The following ST6GALNAC3 variants were observed in gnomAD, a reference collection of about 807,000 sequenced individuals.
The protein encoded by ST6GALNAC3 is alpha-N-acetylgalactosaminide alpha-2,6-sialyltransferase 3.
A neutral mutation model predicts 32.7 loss-of-function variants in ST6GALNAC3; 25 were observed. That is an observed-to-expected ratio of 0.76 (90% CI 0.56 to 1.07). ST6GALNAC3 has a LOEUF of 1.07. ST6GALNAC3 is among the 50% of genes least tolerant of loss of function. The pLI, the probability that ST6GALNAC3 is intolerant of heterozygous loss-of-function variation, is 0.00. For missense variants in ST6GALNAC3, 355 were observed against 382.4 expected (o/e 0.93, Z 0.60); for synonymous variants, 129 against 133.1 (o/e 0.97, Z 0.21).
chr1:76,476,892 G>A (rs61771551), intron 3 of ST6GALNAC3, among the ~76,000 whole-genome samples: 7 of 152,116 alleles, frequency 4.6e-5, no homozygotes, highest in Non-Finnish European at 1.0e-4. Context: ...TTTCCTATCA[G>A]TGTTGGGAGG....
intron 1 of ST6GALNAC3, among the ~76,000 whole-genome samples, chr1:76,283,342 T>C (rs1487596708): frequency 6.6e-6 from 1 of 152,156 alleles, no homozygotes; most frequent in African/African-American, 2.4e-5. Context: ...GAATTGGTAA[T>C]GGTTTTCTTT....
chr1:76,500,906 C>A lies in ST6GALNAC3; in HGVS notation c.623+88489C>A, dbSNP rs570746273. On this transcript the variant is annotated intron_variant, in intron 3 of 4. Coordinates refer to ENST00000328299, the MANE Select transcript of ST6GALNAC3 (RefSeq NM_152996.4). ...ATTGTAGAATAGTATTTACAGTGAA[C>A]CCATTTGTAGAAAATAAAAAGGCTA... 2.0e-5 allele frequency among the ~76,000 whole-genome samples: 3 copies of A among 152,160 alleles called. No homozygotes were observed. The South Asian group carries it at 6.2e-4, about 32-fold the overall frequency.
At chr1:76,184,601 A>G (rs1031110735) in intron 1 of ST6GALNAC3, among the ~76,000 whole-genome samples, 4 of 151,502 alleles carry the variant, frequency 2.6e-5, no homozygotes, top group Non-Finnish European at 4.4e-5. Context: ...AGCTCTTCAG[A>G]GTTTGCCCGG....
chr1:76,399,231 AT>A (rs1013476046), intron 2 of ST6GALNAC3, among the ~76,000 whole-genome samples: 3 of 151,992 alleles, frequency 2.0e-5, no homozygotes, highest in African/African-American at 7.3e-5. Flanking sequence ...GTGCTTTTCT[AT>A]TTTGTTTAAT....
At chr1:76,242,382 C>T (rs1462809985) in intron 1 of ST6GALNAC3, among the ~76,000 whole-genome samples, 1 of 151,910 alleles carries the variant, frequency 6.6e-6, no homozygotes, top group African/African-American at 2.4e-5. Context: ...TGCATCACGT[C>T]TGTAACAGAG....
chr1:76,502,257 T>C (rs1044992257), intron 3 of ST6GALNAC3, among the ~76,000 whole-genome samples: 3 of 152,196 alleles, frequency 2.0e-5, no homozygotes, highest in African/African-American at 7.2e-5. Flanking sequence ...AGGTGATGTC[T>C]TGGAAAAAGC....
At chr1:76,456,500 C>T (rs1248979827) in intron 3 of ST6GALNAC3, among the ~76,000 whole-genome samples, 2 of 152,052 alleles carry the variant, frequency 1.3e-5, no homozygotes, top group Non-Finnish European at 2.9e-5. Flanking sequence ...TGTTTCACCA[C>T]ATCTGGCTAA....
chr1:76,632,512 CATG>C lies in ST6GALNAC3; in HGVS notation c.*3709_*3711del. 1 of 152,178 alleles carries C rather than the reference CATG, an allele frequency of 6.6e-6. No individual in the cohort carries two copies. The highest frequency in any genetic ancestry group is 1.5e-5 in the Non-Finnish European group (1 of 67,996). 9.4% of individuals were successfully genotyped at this position (152,178 alleles called of 1,614,324 possible). A position where few individuals can be genotyped will look rare whatever the true frequency, so the allele number is the denominator to read the frequency against. On this transcript the variant is annotated 3_prime_UTR_variant, in exon 5 of 5. Transcript: ENST00000328299. ...TTAGCATAAGCAAAATCCAGATTTG[CATG>C]ATTTTTATTATATAGCTACAGAACT...
chr1:76,570,851 C>A (rs1016438901), intron 3 of ST6GALNAC3, among the ~76,000 whole-genome samples: 1 of 151,908 alleles, frequency 6.6e-6, no homozygotes, highest in African/African-American at 2.4e-5. Context: ...CTCCTTTAAT[C>A]GCTCAATGAT....
chr1:76,579,364 T>C (rs1201216885), intron 3 of ST6GALNAC3, among the ~76,000 whole-genome samples: 1 of 151,996 alleles, frequency 6.6e-6, no homozygotes, highest in Non-Finnish European at 1.5e-5. Flanking sequence ...CAATAGCATA[T>C]TATTTCATTT....
chr1:76,305,118 G>A (rs1228224843), intron 1 of ST6GALNAC3, among the ~76,000 whole-genome samples: 1 of 152,052 alleles, frequency 6.6e-6, no homozygotes, highest in Non-Finnish European at 1.5e-5. Context: ...CTTCCCATAA[G>A]TAGTAGGATT....
At chr1:76,601,225 A>AAGGAAGG (rs1553147188) in intron 3 of ST6GALNAC3, among the ~76,000 whole-genome samples, 114 of 152,146 alleles carry the variant, frequency 7.5e-4, no homozygotes, top group African/African-American at 2.6e-3. Flanking sequence ...AGGAAGGAAG[A>AAGGAAGG]AAGGAAGGAA....
chr1:76,405,043 G>T (rs548137723), intron 2 of ST6GALNAC3, among the ~76,000 whole-genome samples: 1 of 152,100 alleles, frequency 6.6e-6, no homozygotes, highest in African/African-American at 2.4e-5. Flanking sequence ...TGGGGCTAAA[G>T]TAGAAAGATA....
chr1:76,613,242 A>G (rs1570448361), intron 3 of ST6GALNAC3, among the ~76,000 whole-genome samples: 1 of 152,222 alleles, frequency 6.6e-6, no homozygotes, highest in Non-Finnish European at 1.5e-5. Context: ...TAAACAGTAA[A>G]TAAGCCTCTT....
At chr1:76,127,409 A>G (rs1327348607) in intron 1 of ST6GALNAC3, among the ~76,000 whole-genome samples, 1 of 152,246 alleles carries the variant, frequency 6.6e-6, no homozygotes, top group Admixed American at 6.5e-5. Flanking sequence ...GAAGCATGGC[A>G]AGAACTGTGT....
chr1:76,573,213 C>T (rs911577059), intron 3 of ST6GALNAC3, among the ~76,000 whole-genome samples: 6 of 152,054 alleles, frequency 3.9e-5, no homozygotes, highest in African/African-American at 1.4e-4. Context: ...ACTTTTTAAG[C>T]GATTACCAGT....
rs551330496 is a variant in ST6GALNAC3 at position 76,411,005 on chromosome 1, A to G, written c.214-1003A>G. Among the ~76,000 whole-genome samples, 10 of 152,274 alleles carry G rather than the reference A, an allele frequency of 6.6e-5. No individual in the cohort carries two copies. The South Asian group carries it at 8.3e-4, about 13-fold the overall frequency. On this transcript the variant is annotated intron_variant, in intron 2 of 4. Transcript: ENST00000328299. ...CCAACAGGCACAATAAAAATTCAAG[A>G]TCGAATGTCAGATGCAAAATGTGGA... is the stretch of plus-strand genomic sequence containing the variant.
At chr1:76,156,452 T>A (rs1651431568) in intron 1 of ST6GALNAC3, among the ~76,000 whole-genome samples, 1 of 152,194 alleles carries the variant, frequency 6.6e-6, no homozygotes, top group Non-Finnish European at 1.5e-5. Flanking sequence ...TTTATTTACG[T>A]ATTCAATTGT....
chr1:76,393,338 A>T (rs1010488905), intron 2 of ST6GALNAC3, among the ~76,000 whole-genome samples: 2 of 152,282 alleles, frequency 1.3e-5, no homozygotes, highest in East Asian at 1.9e-4. Context: ...CATGATTCTT[A>T]TGGAAGGTTA....
Sources: allele counts gnomAD v4.1 joint callset (sites outside exome capture counted in the v4.1 genomes callset), GRCh38; gene constraint gnomAD v4.1.1; transcripts MANE v1.5; gene names NCBI Gene and HGNC (gene_info 2026-07-23, HGNC 2026-07-21).